GPHN: variants seen among roughly 807,000 people sequenced by gnomAD.
The protein encoded by GPHN is gephyrin.
GPHN carries 17 observed loss-of-function variants against 95.5 expected under a neutral mutation model. The observed-to-expected ratio is 0.18, with a 90% CI of 0.12 to 0.27. GPHN has a LOEUF of 0.27. Among genes scored for constraint, GPHN ranks in the 10% least tolerant of loss-of-function variants. GPHN has a pLI of 1.00. For missense variants in GPHN, 660 were observed against 978.1 expected (o/e 0.67, Z 4.34); for synonymous variants, 320 against 322.5 (o/e 0.99, Z 0.08).
At chr14:66,573,179 A>T (rs1213799558) in intron 1 of GPHN, among the ~76,000 whole-genome samples, 1 of 152,126 alleles carries the variant, frequency 6.6e-6, no homozygotes, top group Non-Finnish European at 1.5e-5. Context: ...CTGCTTTTGG[A>T]AGGAATATTC....
chr14:67,191,206 C>A, the GPHN span, among the ~76,000 whole-genome samples: 1 of 152,186 alleles, frequency 6.6e-6, no homozygotes, highest in Non-Finnish European at 1.5e-5. Flanking sequence ...TGCACTCCAG[C>A]CTGGGTGATG....
chr14:66,824,059 C>T (rs527862153), intron 3 of GPHN, among the ~76,000 whole-genome samples: 1 of 152,070 alleles, frequency 6.6e-6, no homozygotes, highest in African/African-American at 2.4e-5. Context: ...CTTCAGTTGT[C>T]TCTTTAGAAA....
chr14:66,858,724 G>A (rs1054966998), intron 4 of GPHN, among the ~76,000 whole-genome samples: 6 of 152,022 alleles, frequency 3.9e-5, no homozygotes, highest in Non-Finnish European at 4.4e-5. Context: ...TCAGGCCTTG[G>A]AGCTTGGACA....
At chr14:66,818,935 G>GA (rs2153488688) in intron 3 of GPHN, among the ~76,000 whole-genome samples, 1 of 151,528 alleles carries the variant, frequency 6.6e-6, no homozygotes, top group Admixed American at 6.7e-5. Flanking sequence ...CTTTTTAATG[G>GA]GTTTTTTCCC....
At chr14:67,080,238 C>CT (rs937735446) in intron 11 of GPHN, among the ~76,000 whole-genome samples, 50 of 151,840 alleles carry the variant, frequency 3.3e-4, no homozygotes, top group African/African-American at 1.1e-3. Flanking sequence ...GTATTCAAGT[C>CT]TTTTTTTCAT....
chr14:67,381,151 A>C, the GPHN span, among the ~76,000 whole-genome samples: 1 of 152,208 alleles, frequency 6.6e-6, no homozygotes, highest in Non-Finnish European at 1.5e-5. Context: ...GAACATAGGA[A>C]TCTTTCTCAT....
chr14:66,573,475 C>T (rs1185787075), intron 1 of GPHN, among the ~76,000 whole-genome samples: 3 of 142,730 alleles, frequency 2.1e-5, no homozygotes, highest in South Asian at 4.4e-4. Context: ...TTTTCTGAGA[C>T]GGAGTCTCGC....
At chr14:67,402,038 G>A in the GPHN span, among the ~76,000 whole-genome samples, 1 of 152,292 alleles carries the variant, frequency 6.6e-6, no homozygotes, top group East Asian at 1.9e-4. Flanking sequence ...GGCTGAGGCA[G>A]AAGAATCACT....
intron 4 of GPHN, among the ~76,000 whole-genome samples, chr14:66,861,554 C>T (rs1263313776): frequency 6.6e-6 from 1 of 151,992 alleles, no homozygotes; most frequent in Non-Finnish European, 1.5e-5. Flanking sequence ...CATTATTCTC[C>T]TCAGAACAGA....
chr14:67,098,521 G>A (rs1039729064), intron 12 of GPHN, among the ~76,000 whole-genome samples: 1 of 151,826 alleles, frequency 6.6e-6, no homozygotes, highest in South Asian at 2.1e-4. Context: ...TAAAAAAAAA[G>A]AAAATGGGTC....
chr14:66,753,036 C>T (rs757671035), intron 2 of GPHN, among the ~76,000 whole-genome samples: 3 of 151,298 alleles, frequency 2.0e-5, no homozygotes, highest in Admixed American at 6.6e-5. Flanking sequence ...TATATACAAA[C>T]GTGTTTAAAT....
the GPHN span, among the ~76,000 whole-genome samples, chr14:67,266,732 T>C: frequency 1.4e-4 from 21 of 152,324 alleles, no homozygotes; most frequent in South Asian, 3.5e-3. Context: ...TACAAGAAGT[T>C]ACACAGTTAT....
the GPHN span, among the ~76,000 whole-genome samples, chr14:67,380,492 G>A: frequency 1.3e-5 from 2 of 152,154 alleles, no homozygotes; most frequent in Non-Finnish European, 2.9e-5. Flanking sequence ...TGGGGTGTAA[G>A]TGCAAAGCTA....
chr14:67,417,716 C>A, the GPHN span, among the ~76,000 whole-genome samples: 1 of 151,180 alleles, frequency 6.6e-6, no homozygotes, highest in African/African-American at 2.4e-5. Context: ...TAGGCATGAG[C>A]CACATTTTTG....
intron 1 of GPHN, among the ~76,000 whole-genome samples, chr14:66,617,347 G>T (rs2063089833): frequency 6.6e-6 from 1 of 152,208 alleles, no homozygotes; most frequent in African/African-American, 2.4e-5. Flanking sequence ...AGTGGCATGG[G>T]TTCGCAAGTT....
chr14:66,644,192 G>A (rs1224377493), intron 1 of GPHN, among the ~76,000 whole-genome samples: 1 of 151,984 alleles, frequency 6.6e-6, no homozygotes, highest in Admixed American at 6.6e-5. Flanking sequence ...AACGCCTTGG[G>A]TTACACTTGA....
chr14:67,200,163 G>T, the GPHN span: 2 of 1,158,374 alleles, frequency 1.7e-6, no homozygotes, highest in Non-Finnish European at 2.4e-6. Flanking sequence ...CAGGTCCTAT[G>T]CCTCCACATG....
intron 8 of GPHN, among the ~76,000 whole-genome samples, chr14:66,949,162 G>A (rs572714402): frequency 1.2e-4 from 18 of 152,114 alleles, no homozygotes; most frequent in African/African-American, 2.9e-4. Context: ...CTCACCTCAC[G>A]CAACTTTCAC....
chr14:67,627,054 G>C, the GPHN span, among the ~76,000 whole-genome samples: 7 of 152,126 alleles, frequency 4.6e-5, no homozygotes, highest in Non-Finnish European at 1.0e-4. Context: ...GTGGTTCCCA[G>C]GAGCTGGGAA....
Sources: allele counts gnomAD v4.1 joint callset (sites outside exome capture counted in the v4.1 genomes callset), GRCh38; gene constraint gnomAD v4.1.1; transcripts MANE v1.5; gene names NCBI Gene and HGNC (gene_info 2026-07-23, HGNC 2026-07-21).